NSMCE2: variants seen among roughly 807,000 people sequenced by gnomAD.
NSMCE2 encodes NSE2 SUMO ligase component of SMC5/6 complex, also known as E3 SUMO-protein ligase NSE2.
A neutral mutation model predicts 23.8 loss-of-function variants in NSMCE2; 24 were observed. That is an observed-to-expected ratio of 1.01 (90% confidence interval 0.73 to 1.42). The LOEUF (loss-of-function observed/expected upper bound fraction) is 1.42. NSMCE2 is among the 40% of genes most tolerant of loss of function. NSMCE2 has a pLI of 0.00. For synonymous variants in NSMCE2, 92 were observed against 94.1 expected, an observed-to-expected ratio of 0.98 and a Z score of 0.13; for missense variants, 284 against 296.5, an observed-to-expected ratio of 0.96 and a Z score of 0.31.
intron 1 of NSMCE2, among the ~76,000 whole-genome samples, chr8:125,093,500 T>G (rs1461523304): frequency 6.6e-6 from 1 of 151,930 alleles, no homozygotes; most frequent in Non-Finnish European, 1.5e-5. Flanking sequence ...ACCAGCCTGG[T>G]CAACATAGCG....
rs1813396798 is a variant in NSMCE2 at position 125,358,760 on chromosome 8, C to T, written c.626+942C>T. Among the ~76,000 whole-genome samples, 4 of 152,052 alleles carry T rather than the reference C, an allele frequency of 2.6e-5. No individual in the cohort carries two copies. In the South Asian group the frequency reaches 8.3e-4, roughly 31 times the overall value. ...CTCCATTGCCCAGAAATTTGCTGGTCCAGACCTAGAATTGGAATTCCCCAG... is the reference window on the plus strand; with the variant it reads ...CTCCATTGCCCAGAAATTTGCTGGTTCAGACCTAGAATTGGAATTCCCCAG... On this transcript the variant is annotated intron_variant, in intron 7 of 7. Transcript: ENST00000287437.
At chr8:125,282,105 T>G (rs1249562443) in intron 5 of NSMCE2, among the ~76,000 whole-genome samples, 2 of 150,422 alleles carry the variant, frequency 1.3e-5, no homozygotes, top group African/African-American at 4.9e-5. Context: ...TTTTTTAATG[T>G]CATCCCTTAA....
At chr8:125,236,365 CTA>C (rs35674231) in intron 5 of NSMCE2, among the ~76,000 whole-genome samples, 31,021 of 150,548 alleles carry the variant, frequency 0.21, 4,026 homozygotes, top group African/African-American at 0.36. Context: ...AGTTGCAAAA[CTA>C]TATATATATA....
At chr8:125,186,715 C>A (rs1394804202) in intron 5 of NSMCE2, among the ~76,000 whole-genome samples, 3 of 152,104 alleles carry the variant, frequency 2.0e-5, no homozygotes, top group Admixed American at 6.6e-5. Context: ...GCAGTAGGTA[C>A]AGAAAGATTT....
chr8:125,303,010 C>G (rs150496356), intron 5 of NSMCE2, among the ~76,000 whole-genome samples: 73 of 152,282 alleles, frequency 4.8e-4, no homozygotes, highest in Non-Finnish European at 6.6e-4. Context: ...CTCCACACTC[C>G]CCGCATCTTC....
chr8:125,170,942 A>G (rs775502692), intron 4 of NSMCE2, among the ~76,000 whole-genome samples: 2 of 152,168 alleles, frequency 1.3e-5, no homozygotes, highest in Non-Finnish European at 2.9e-5. Context: ...CAAAACCTTC[A>G]CACATCTCTC....
chr8:125,252,988 G>A lies in NSMCE2; in HGVS notation c.418+70732G>A, dbSNP rs192276490. 3.3e-5 allele frequency among the ~76,000 whole-genome samples: 5 copies of A among 152,276 alleles called. No individual in the cohort carries two copies. The East Asian group carries it at 9.6e-4, about 29-fold the overall frequency. On this transcript the variant is annotated intron_variant, in intron 5 of 7. Transcript: ENST00000287437. Reference sequence around the variant, plus strand: ...CAGATTAAAAGTCTCTATTTCTTAAGATTGTTGTAAGGATTAAATGATATA... The same window carrying A: ...CAGATTAAAAGTCTCTATTTCTTAAAATTGTTGTAAGGATTAAATGATATA...
At chr8:125,214,604 G>C (rs1824495472) in intron 5 of NSMCE2, among the ~76,000 whole-genome samples, 1 of 152,080 alleles carries the variant, frequency 6.6e-6, no homozygotes, top group South Asian at 2.1e-4. Flanking sequence ...TAGGTTAACA[G>C]AATGGAACAG....
chr8:125,147,747 AC>A (rs2130658765), intron 3 of NSMCE2, among the ~76,000 whole-genome samples: 1 of 152,220 alleles, frequency 6.6e-6, no homozygotes, highest in Non-Finnish European at 1.5e-5. Flanking sequence ...ACCCCCAGCA[AC>A]TTTTTAGTCA....
chr8:125,217,467 TCTC>T, intron 5 of NSMCE2, among the ~76,000 whole-genome samples: 1 of 152,076 alleles, frequency 6.6e-6, no homozygotes, highest in East Asian at 1.9e-4. Context: ...TTCATGCCAT[TCTC>T]CTGTCTCAGC....
chr8:125,246,421 A>G (rs971575699), intron 5 of NSMCE2, among the ~76,000 whole-genome samples: 12 of 152,024 alleles, frequency 7.9e-5, no homozygotes, highest in African/African-American at 2.9e-4. Flanking sequence ...TGACCTTGTG[A>G]TCCACCCGCC....
chr8:125,099,285 G>A (rs561736802), intron 1 of NSMCE2, among the ~76,000 whole-genome samples: 6 of 152,170 alleles, frequency 3.9e-5, no homozygotes, highest in South Asian at 4.1e-4. Context: ...AGGGCTTGCC[G>A]TTGTATATCA....
intron 5 of NSMCE2, among the ~76,000 whole-genome samples, chr8:125,189,202 G>A (rs2130822108): frequency 6.6e-6 from 1 of 152,244 alleles, no homozygotes; most frequent in Non-Finnish European, 1.5e-5. Context: ...CTGCAGAAAG[G>A]GTGCTCCACA....
chr8:125,223,270 A>T (rs1342397161), intron 5 of NSMCE2, among the ~76,000 whole-genome samples: 1 of 151,606 alleles, frequency 6.6e-6, no homozygotes, highest in Non-Finnish European at 1.5e-5. Flanking sequence ...AGGTAGGAGG[A>T]TTGCTTGAAC....
chr8:125,296,968 A>AAT (rs1297341579), intron 5 of NSMCE2, among the ~76,000 whole-genome samples: 2 of 152,234 alleles, frequency 1.3e-5, no homozygotes, highest in African/African-American at 4.8e-5. Context: ...TTGCATAGAA[A>AAT]ATATAGAGTA....
intron 5 of NSMCE2, among the ~76,000 whole-genome samples, chr8:125,215,020 T>A (rs1032567542): frequency 1.3e-4 from 15 of 119,926 alleles, no homozygotes; most frequent in African/African-American, 5.5e-4. Flanking sequence ...CACTTTATTT[T>A]ATTTTATTTT....
chr8:125,108,736 C>G (rs1818589595), intron 3 of NSMCE2, among the ~76,000 whole-genome samples: 1 of 152,170 alleles, frequency 6.6e-6, no homozygotes, highest in Admixed American at 6.5e-5. Context: ...GTTTGGAAGT[C>G]TGTGTAAGAC....
intron 3 of NSMCE2, among the ~76,000 whole-genome samples, chr8:125,104,802 C>T (rs1413331497): frequency 2.0e-5 from 3 of 152,050 alleles, no homozygotes; most frequent in East Asian, 1.9e-4. Context: ...TTTGGGAGGC[C>T]GAAGCAGGAG....
chr8:125,309,502 C>T (rs1000778374), intron 5 of NSMCE2, among the ~76,000 whole-genome samples: 1 of 152,104 alleles, frequency 6.6e-6, no homozygotes, highest in African/African-American at 2.4e-5. Context: ...GGGGGAGGAT[C>T]GCTTGAGCTC....
Sources: gnomAD v4.1 joint callset for allele counts (sites outside exome capture counted in the v4.1 genomes callset) on GRCh38, gnomAD v4.1.1 for gene constraint, MANE v1.5 for transcripts, NCBI Gene and HGNC (gene_info 2026-07-23, HGNC 2026-07-21) for gene names.